UBE3A: variants seen among roughly 807,000 people sequenced by gnomAD.
UBE3A encodes the protein ubiquitin-protein ligase E3A.
In UBE3A, 6 loss-of-function variants were observed where a neutral mutation model predicts 83.4. The ratio of observed to expected loss-of-function variants is 0.07; its 90% CI spans 0.04 to 0.14. UBE3A has a LOEUF of 0.14. Among genes scored for constraint, UBE3A ranks in the 10% least tolerant of loss-of-function variants. The pLI is 1.00. For missense variants in UBE3A, 456 were observed against 1,036.1 expected (o/e 0.44, Z 7.69); for synonymous variants, 337 against 355.4 (o/e 0.95, Z 0.58).
At chr15:25,424,125 T>C (rs546302397) in intron 1 of UBE3A, among the ~76,000 whole-genome samples, 14 of 152,316 alleles carry the variant, frequency 9.2e-5, no homozygotes, top group African/African-American at 2.9e-4. Flanking sequence ...ATCTCACTTA[T>C]AGGTAAAAAT....
In UBE3A at chr15:25,371,247, C is replaced by A. The variant is rs576963061; in HGVS notation, c.927G>T (p.Ala309=). The A allele has an allele frequency of 2.5e-6, 4 of 1,614,112 alleles. No individual in the cohort carries two copies. The highest frequency in any genetic ancestry group is 3.4e-6 in the Non-Finnish European group (4 of 1,180,026). ...LEMALPLFCK[A]MSKLPLAAQG... Reference sequence around the variant, plus strand: ...GGGCTGCAAGGGGTAGCTTGCTCATCGCTTTGCAAAATAATGGCAAAGCCA... The same window carrying A: ...GGGCTGCAAGGGGTAGCTTGCTCATAGCTTTGCAAAATAATGGCAAAGCCA... Residue 309 remains alanine (A), a synonymous_variant, in exon 6 of 13, where the codon GCG becomes GCT. Transcript: ENST00000648336. This position sits in a 1 kb window ranked among gnomAD's most constrained non-coding sequence, Gnocchi z 5.3.
intron 5 of UBE3A, chr15:25,373,820 T>A (rs2080725364): frequency 6.6e-6 from 1 of 152,160 alleles, no homozygotes; most frequent in African/African-American, 2.4e-5. Context: ...GGTATATAGA[T>A]AAAAATTAGT....
intron 5 of UBE3A, chr15:25,373,985 C>CA (rs1426369112): frequency 1.3e-5 from 2 of 152,100 alleles, no homozygotes; most frequent in Non-Finnish European, 2.9e-5. Flanking sequence ...ACCTCCTACG[C>CA]AAAAACAGTT....
chr15:25,340,721 A>AG (rs377659386), intron 11 of UBE3A, among the ~76,000 whole-genome samples: 1 of 152,100 alleles, frequency 6.6e-6, no homozygotes, highest in African/African-American at 2.4e-5. Context: ...GACAAAAGAA[A>AG]AAAAGACCCC....
chr15:25,371,678 T>G lies in UBE3A; in HGVS notation c.496A>C (p.Lys166Gln). The G allele has an allele frequency of 6.2e-7, 1 of 1,614,120 alleles. No individual in the cohort carries two copies. Reference sequence around the variant, plus strand: ...TCTTCCTTGGTGTGTTGTTTAACTTTCCGGAAGCTCTGTACCAATGCCTCA... The same window carrying G: ...TCTTCCTTGGTGTGTTGTTTAACTTGCCGGAAGCTCTGTACCAATGCCTCA... ...SAEALVQSFR[K>Q]VKQHTKEELK... The change falls in exon 6 of 13, where the codon AAA becomes CAA. Residue 166 changes from lysine to glutamine, a missense_variant. Lys to Gln is a moderately conservative substitution (Grantham distance 53). Around this residue, in one of 13 missense-constraint regions of UBE3A, gnomAD observed 34 missense variants for 79.1 expected, o/e 0.43. Coordinates refer to ENST00000648336, the MANE Select transcript of UBE3A (RefSeq NM_130839.5). The surrounding 1 kb of genome is among the most constrained non-coding windows in gnomAD (Gnocchi z 5.3).
At chr15:25,401,249 C>T (rs1257818050) in intron 4 of UBE3A, among the ~76,000 whole-genome samples, 1 of 152,026 alleles carries the variant, frequency 6.6e-6, no homozygotes, top group Non-Finnish European at 1.5e-5. Flanking sequence ...ATTAAGAATA[C>T]GGGTCTGTAA....
intron 11 of UBE3A, 136 bp from the exon 12 acceptor site, chr15:25,340,364 T>A: frequency 9.1e-7 from 1 of 1,097,274 alleles, no homozygotes; most frequent in Non-Finnish European, 1.3e-6. Flanking sequence ...TCACTTCTGG[T>A]GATTTAAAAA....
chr15:25,382,059 C>T (rs1202866519), intron 4 of UBE3A, among the ~76,000 whole-genome samples: 1 of 152,244 alleles, frequency 6.6e-6, no homozygotes, highest in Non-Finnish European at 1.5e-5. Flanking sequence ...CACGCCACGC[C>T]TCTAATCCCA....
At chr15:25,340,335 G>GTTAA in intron 11 of UBE3A, 107 bp from the exon 12 acceptor site, 4 of 1,332,498 alleles carry the variant, frequency 3.0e-6, no homozygotes, top group Non-Finnish European at 3.2e-6. Context: ...CAACTTGGAA[G>GTTAA]TTAATTATCA....
chr15:25,412,965 A>T (rs1203529892), intron 1 of UBE3A: 1 of 425,344 alleles, frequency 2.4e-6, no homozygotes, highest in Non-Finnish European at 4.6e-6. Flanking sequence ...TTTTCAGACC[A>T]ACCCAAGAAC....
At chr15:25,340,957 CTTATG>C (rs955399797) in intron 11 of UBE3A, among the ~76,000 whole-genome samples, 8 of 152,122 alleles carry the variant, frequency 5.3e-5, no homozygotes, top group Non-Finnish European at 1.2e-4. Flanking sequence ...TTTAATGACA[CTTATG>C]TTAGTTTGAG....
intron 1 of UBE3A, among the ~76,000 whole-genome samples, chr15:25,429,625 G>T (rs1300567422): frequency 2.6e-5 from 4 of 152,028 alleles, no homozygotes; most frequent in African/African-American, 9.7e-5. Flanking sequence ...AAGGCAGGAG[G>T]ATCACTTGAG....
intron 6 of UBE3A, among the ~76,000 whole-genome samples, chr15:25,366,973 A>T (rs1319204988): frequency 6.6e-6 from 1 of 151,474 alleles, no homozygotes; most frequent in African/African-American, 2.4e-5. Context: ...TTTTTAAACA[A>T]TTTTCCCATT....
Position 25,355,333 on chromosome 15 carries a change from T to A in UBE3A, c.2124+559A>T, listed in dbSNP as rs117181122. ...AGGAAAATGTGCTTTGTACCCTTAG[T>A]GTGTATAATATTTAATCAAAAAATT... On this transcript the variant is annotated intron_variant, in intron 9 of 12. Coordinates refer to ENST00000648336, the MANE Select transcript of UBE3A (RefSeq NM_130839.5). 9.2e-3 allele frequency among the ~76,000 whole-genome samples: 1,393 copies of A among 152,234 alleles called. 6 individuals carry two copies. Among genetic ancestry groups the A allele is most frequent in the Admixed American group, 0.017 (266 of 15,294 alleles).
intron 3 of UBE3A, chr15:25,406,986 G>GT: frequency 2.0e-6 from 2 of 981,282 alleles, no homozygotes; most frequent in Non-Finnish European, 2.7e-6. Context: ...GGAGGTGGCA[G>GT]TGACTTGGCT....
rs2074164414 is a variant in UBE3A, at chr15:25,338,360, T to TACTAAGATCCCTGTCCTTTCATAA, written c.*776_*777insTTATGAAAGGACAGGGATCTTAGT. On this transcript the variant is annotated 3_prime_UTR_variant, in exon 13 of 13. Coordinates refer to ENST00000648336, the MANE Select transcript of UBE3A (RefSeq NM_130839.5). ...GAACAAAAATCCCTGTCCTTTCATA[T>TACTAAGATCCCTGTCCTTTCATAA]ACTAAGAAAGAGGATTGGCTACTGA... is the stretch of plus-strand genomic sequence containing the variant. The TACTAAGATCCCTGTCCTTTCATAA allele has an allele frequency of 6.6e-6, 1 of 152,088 alleles. No individual in the cohort carries two copies. Among genetic ancestry groups the TACTAAGATCCCTGTCCTTTCATAA allele is most frequent in the African/African-American group, 2.4e-5 (1 of 41,430 alleles). 9.4% of individuals were successfully genotyped at this position (152,088 alleles called of 1,614,324 possible).
rs144748566 is a variant in UBE3A at position 25,351,172 on chromosome 15, G to A, written c.2354+3181C>T. ...TAATGGGAAAGAATTAAGCATTATC[G>A]TATATGATATGTACATATTTATATA... On this transcript the variant is annotated intron_variant, in intron 11 of 12. Coordinates refer to ENST00000648336, the MANE Select transcript of UBE3A (RefSeq NM_130839.5). Among the ~76,000 whole-genome samples the A allele has an allele frequency of 8.5e-4, 130 of 152,196 alleles. 1 individual carries two copies. The highest frequency in any genetic ancestry group is 1.3e-3 in the Non-Finnish European group (88 of 68,002).
In UBE3A at chr15:25,424,017, C is replaced by T. The variant is rs555597420; in HGVS notation, c.-164-12046G>A. The stretch of plus-strand genomic sequence containing the variant: ...ATTGGTCTGTTTCTGCCCTTGTCCC[C>T]TTTTTCAGTCTATGATTAACACAGC... On this transcript the variant is annotated intron_variant, in intron 1 of 12. Transcript: ENST00000648336. Among the ~76,000 whole-genome samples, 46 of 152,282 alleles carry T rather than the reference C, an allele frequency of 3.0e-4. No homozygotes were observed. The South Asian group carries it at 9.5e-3, about 32-fold the overall frequency.
At chr15:25,351,179 A>G (rs1347336968) in intron 11 of UBE3A, among the ~76,000 whole-genome samples, 2 of 152,174 alleles carry the variant, frequency 1.3e-5, no homozygotes, top group South Asian at 2.1e-4. Flanking sequence ...ATCGTATATG[A>G]TATGTACATA....
Sources: allele counts gnomAD v4.1 joint callset (sites outside exome capture counted in the v4.1 genomes callset), GRCh38; gene constraint gnomAD v4.1.1; regional missense constraint gnomAD v4.1.1; non-coding constraint Gnocchi (gnomAD v3.1); transcripts MANE v1.5; gene names NCBI Gene and HGNC (gene_info 2026-07-23, HGNC 2026-07-21).